The following KCNB2 variants were observed in gnomAD, a reference collection of about 807,000 sequenced individuals.
KCNB2 encodes potassium voltage-gated channel subfamily B member 2, also known as delayed rectifier potassium channel protein.
Under a neutral mutation model 61.5 loss-of-function variants are expected in KCNB2, and 15 were observed. The ratio of observed to expected loss-of-function variants is 0.24; its 90% CI spans 0.16 to 0.38. KCNB2 has a LOEUF of 0.38. Ranked by LOEUF, KCNB2 falls within the 10% of genes least tolerant of loss-of-function variation. The probability of loss-of-function intolerance (pLI) is 1.00; values close to 1 mark genes in which losing one functional copy is unlikely to be tolerated. For synonymous variants in KCNB2, 457 were observed against 446.0 expected, an observed-to-expected ratio of 1.02 and a Z score of -0.31; for missense variants, 828 against 1,125.2, an observed-to-expected ratio of 0.74 and a Z score of 3.78.
chr8:72,900,908 T>C (rs907599103), intron 2 of KCNB2, among the ~76,000 whole-genome samples: 12 of 152,130 alleles, frequency 7.9e-5, no homozygotes, highest in African/African-American at 2.7e-4. Context: ...ATGTAATTGG[T>C]TCAGTCTCTG....
intron 2 of KCNB2, 62 bp from the exon 3 acceptor site, chr8:72,935,873 C>A: frequency 8.7e-7 from 1 of 1,143,760 alleles, no homozygotes; most frequent in Non-Finnish European, 1.3e-6. Context: ...ACCGACCCAT[C>A]TGTCTCCTAG....
chr8:72,672,652 C>T lies in KCNB2; in HGVS notation c.579+104339C>T, dbSNP rs183420271. Among the ~76,000 whole-genome samples the T allele has an allele frequency of 1.0e-3, 159 of 151,478 alleles. 1 individual carries two copies. The highest frequency in any genetic ancestry group is 3.7e-3 in the African/African-American group (151 of 41,248). On this transcript the variant is annotated intron_variant, in intron 2 of 2. Transcript: ENST00000523207. Reference sequence around the variant, plus strand: ...AAGAGCTCTTTTTTTTTTAATATAACAGCAACTGCTTCTAAGGTGTCCAAA... The same window carrying T: ...AAGAGCTCTTTTTTTTTTAATATAATAGCAACTGCTTCTAAGGTGTCCAAA...
rs369717678 is a variant in KCNB2, at chr8:72,720,553, A to C, written c.579+152240A>C. ...CCCATCATATTTGTTTCCTCACTGT[A>C]GTCACATTTTCTGTTTACCTCTCTT... On this transcript the variant is annotated intron_variant, in intron 2 of 2. Transcript: ENST00000523207. 1.1e-3 allele frequency among the ~76,000 whole-genome samples: 163 copies of C among 152,252 alleles called. 1 individual carries two copies. Among genetic ancestry groups the C allele is most frequent in the African/African-American group, 3.7e-3 (155 of 41,546 alleles).
intron 2 of KCNB2, among the ~76,000 whole-genome samples, chr8:72,670,117 G>C (rs1806538905): frequency 6.6e-6 from 1 of 152,120 alleles, no homozygotes; most frequent in Non-Finnish European, 1.5e-5. Flanking sequence ...AAAAGCCTGG[G>C]TACTATCTTC....
intron 2 of KCNB2, among the ~76,000 whole-genome samples, chr8:72,619,816 A>C (rs1011209092): frequency 6.6e-6 from 1 of 152,202 alleles, no homozygotes; most frequent in East Asian, 1.9e-4. Context: ...AACAGTAAAA[A>C]GTTTCAGAAC....
intron 2 of KCNB2, among the ~76,000 whole-genome samples, chr8:72,821,870 T>C (rs962200363): frequency 6.6e-6 from 1 of 152,116 alleles, no homozygotes; most frequent in Admixed American, 6.5e-5. Flanking sequence ...AAAGGGAATC[T>C]GCAAGTCATC....
chr8:72,559,103 T>C (rs1013699330), intron 1 of KCNB2, among the ~76,000 whole-genome samples: 7 of 151,970 alleles, frequency 4.6e-5, no homozygotes, highest in Admixed American at 3.3e-4. Context: ...TAGTGTTGTG[T>C]CTTTTTCTTT....
At chr8:72,615,674 A>G (rs1805609139) in intron 2 of KCNB2, among the ~76,000 whole-genome samples, 1 of 152,198 alleles carries the variant, frequency 6.6e-6, no homozygotes, top group Non-Finnish European at 1.5e-5. Context: ...AATGTGGAAA[A>G]TCATATATTG....
At chr8:72,887,293 G>T (rs930453814) in intron 2 of KCNB2, among the ~76,000 whole-genome samples, 2 of 152,166 alleles carry the variant, frequency 1.3e-5, no homozygotes, top group African/African-American at 4.8e-5. Context: ...GAGGGCAATG[G>T]ATCTTGACTA....
chr8:72,581,886 G>A (rs1328146020), intron 2 of KCNB2, among the ~76,000 whole-genome samples: 1 of 152,156 alleles, frequency 6.6e-6, no homozygotes, highest in Non-Finnish European at 1.5e-5. Flanking sequence ...GTGGGCTCTG[G>A]GAACTCTTGT....
At chr8:72,772,640 T>G (rs1278546098) in intron 2 of KCNB2, among the ~76,000 whole-genome samples, 2 of 152,240 alleles carry the variant, frequency 1.3e-5, no homozygotes, top group Non-Finnish European at 2.9e-5. Context: ...GTCATGTTTG[T>G]CATTTTTCTA....
intron 2 of KCNB2, among the ~76,000 whole-genome samples, chr8:72,710,274 C>T (rs1337876220): frequency 6.6e-6 from 1 of 152,178 alleles, no homozygotes; most frequent in Non-Finnish European, 1.5e-5. Flanking sequence ...ATCTGGGCCC[C>T]TTCAAATCAC....
intron 2 of KCNB2, among the ~76,000 whole-genome samples, chr8:72,613,045 G>A (rs949391224): frequency 1.3e-5 from 2 of 152,074 alleles, no homozygotes; most frequent in African/African-American, 4.8e-5. Flanking sequence ...AATAAATGTC[G>A]TGGAATAAAA....
At chr8:72,837,018 C>T (rs1374880476) in intron 2 of KCNB2, among the ~76,000 whole-genome samples, 1 of 152,200 alleles carries the variant, frequency 6.6e-6, no homozygotes, top group African/African-American at 2.4e-5. Context: ...GGTACCTCCA[C>T]TTAAGGTCTG....
chr8:72,605,406 A>G (rs1420158865), intron 2 of KCNB2, among the ~76,000 whole-genome samples: 1 of 152,168 alleles, frequency 6.6e-6, no homozygotes, highest in Non-Finnish European at 1.5e-5. Context: ...TGTCATTACT[A>G]CCAGTCTGAG....
intron 2 of KCNB2, among the ~76,000 whole-genome samples, chr8:72,799,286 T>C (rs544633775): frequency 1.3e-5 from 2 of 152,170 alleles, no homozygotes; most frequent in African/African-American, 4.8e-5. Context: ...TTTTCTTAAC[T>C]AGAAAATTAA....
chr8:72,727,640 A>C (rs1238769330), intron 2 of KCNB2, among the ~76,000 whole-genome samples: 2 of 152,182 alleles, frequency 1.3e-5, no homozygotes, highest in African/African-American at 2.4e-5. Context: ...GTTCTCTTAC[A>C]TTGTCACAAA....
intron 2 of KCNB2, among the ~76,000 whole-genome samples, chr8:72,594,536 C>G (rs1409470945): frequency 6.6e-6 from 1 of 152,148 alleles, no homozygotes; most frequent in Non-Finnish European, 1.5e-5. Flanking sequence ...AAGCAGAGTA[C>G]TTTATTTTGG....
At chr8:72,913,333 T>C (rs917690404) in intron 2 of KCNB2, among the ~76,000 whole-genome samples, 2 of 152,198 alleles carry the variant, frequency 1.3e-5, no homozygotes, top group Admixed American at 1.3e-4. Flanking sequence ...ATTTGAAATG[T>C]GTTGGATATG....
Sources: gnomAD v4.1 joint callset for allele counts (sites outside exome capture counted in the v4.1 genomes callset) on GRCh38, gnomAD v4.1.1 for gene constraint, MANE v1.5 for transcripts, NCBI Gene and HGNC (gene_info 2026-07-23, HGNC 2026-07-21) for gene names.